The following CDH23 variants were observed in gnomAD, a reference collection of about 807,000 sequenced individuals.
The protein encoded by CDH23 is cadherin related 23, also known as cadherin-23.
In CDH23, 189 loss-of-function variants were observed where a neutral mutation model predicts 317.1. That is an observed-to-expected ratio of 0.60 (90% CI 0.53 to 0.67). CDH23 has a LOEUF of 0.67. Among genes scored for constraint, CDH23 ranks in the 30% least tolerant of loss-of-function variants. The pLI, the probability that CDH23 is intolerant of heterozygous loss-of-function variation, is 0.00. For synonymous variants in CDH23, 1,839 were observed against 1,876.8 expected, an observed-to-expected ratio of 0.98 and a Z score of 0.52; for missense variants, 4,401 against 4,592.4, an observed-to-expected ratio of 0.96 and a Z score of 1.20.
At chr10:71,485,320 T>A (rs1215223462) in intron 3 of CDH23, among the ~76,000 whole-genome samples, 1 of 152,164 alleles carries the variant, frequency 6.6e-6, no homozygotes, top group Non-Finnish European at 1.5e-5. Context: ...CCACTGCGCC[T>A]GGCTGGGTGT....
chr10:71,685,159 T>A (rs1396517883), intron 18 of CDH23, among the ~76,000 whole-genome samples: 2 of 152,176 alleles, frequency 1.3e-5, no homozygotes, highest in African/African-American at 4.8e-5. Flanking sequence ...GGCCCTGGAA[T>A]TCTCTGGGGA....
rs531232195 is a variant in CDH23, at chr10:71,695,576, T to C, written c.2397+51T>C. 8.4e-6 allele frequency: 11 copies of C among 1,302,746 alleles called. No individual in the cohort carries two copies. The East Asian group carries it at 2.3e-4, about 27-fold the overall frequency. The allele number at this position is 1,302,746 out of a possible 1,614,324, so 80.7% of individuals were successfully genotyped here. A position where few individuals can be genotyped will look rare whatever the true frequency, so the allele number is the denominator to read the frequency against. ...TGCCAGGCGGCCCTTCCCAGGGGTC[T>C]GTGCCCCTCCCACTGCGATTCCAGG... is the stretch of plus-strand genomic sequence containing the variant. On this transcript the variant is annotated intron_variant, in intron 22 of 69. Coordinates refer to ENST00000224721, the MANE Select transcript of CDH23 (RefSeq NM_022124.6).
At chr10:71,439,638 G>C (rs547173039) in intron 1 of CDH23, among the ~76,000 whole-genome samples, 189 bp from the exon 2 acceptor site, 17 of 152,354 alleles carry the variant, frequency 1.1e-4, no homozygotes, top group African/African-American at 3.8e-4. Flanking sequence ...ATAGGACAAT[G>C]TTAAAACCAA....
Position 71,667,359 on chromosome 10 carries a change from A to AGAGAGAGTGTGTGTGTGTGTGT in CDH23, c.1450-7752_1450-7751insAGAGAGTGTGTGTGTGTGTGTG, listed in dbSNP as rs58361666. Reference sequence around the variant, plus strand: ...GCTTGAGGCAGAGAAAGAGAGAGAGAGTGTGTGTGTGTGTGTGTGTGTGTG... The same window carrying AGAGAGAGTGTGTGTGTGTGTGT: ...GCTTGAGGCAGAGAAAGAGAGAGAGAGAGAGAGTGTGTGTGTGTGTGTGTGTGTGTGTGTGTGTGTGTGTGTG... On this transcript the variant is annotated intron_variant, in intron 14 of 69. Coordinates refer to ENST00000224721, the MANE Select transcript of CDH23 (RefSeq NM_022124.6). 4.5e-5 allele frequency among the ~76,000 whole-genome samples: 5 copies of AGAGAGAGTGTGTGTGTGTGTGT among 112,114 alleles called. No homozygotes were observed. The East Asian group carries it at 8.7e-4, about 20-fold the overall frequency. The allele number at this position is 112,114 out of a possible 152,430, so 73.6% of individuals were successfully genotyped here.
At chr10:71,437,040 G>A (rs753857098) in intron 1 of CDH23, among the ~76,000 whole-genome samples, 14 of 152,332 alleles carry the variant, frequency 9.2e-5, no homozygotes, top group Non-Finnish European at 1.5e-4. Flanking sequence ...GCTCAACCCC[G>A]CTAGTAGTTA....
In CDH23 at chr10:71,810,457, C is replaced by T. The variant is rs747069251; in HGVS notation, c.8980-15C>T. 6.2e-7 allele frequency: 1 copy of T among 1,612,696 alleles called. No homozygotes were observed. Among genetic ancestry groups the T allele is most frequent in the South Asian group, 1.1e-5 (1 of 91,042 alleles). ...GCTGTGGTGGCCACACCCTACAATA[C>T]CCCTTCTCATCTAGTTCCATGTGGA... On this transcript the variant is annotated splice_polypyrimidine_tract_variant and intron_variant, in intron 61 of 69. Coordinates refer to ENST00000224721, the MANE Select transcript of CDH23 (RefSeq NM_022124.6).
chr10:71,693,763 G>A (rs1387835973), intron 20 of CDH23, among the ~76,000 whole-genome samples: 1 of 152,156 alleles, frequency 6.6e-6, no homozygotes, highest in Non-Finnish European at 1.5e-5. Flanking sequence ...CTAGCTCCAG[G>A]TGAGAAAGCC....
intron 11 of CDH23, chr10:71,617,602 C>T (rs1446050346): frequency 2.2e-5 from 28 of 1,266,518 alleles, no homozygotes; most frequent in Non-Finnish European, 2.9e-5. Context: ...AACATGTAAG[C>T]ACATGTTTCC....
At chr10:71,749,499 T>C (rs368455934) in intron 38 of CDH23, 3 of 152,372 alleles carry the variant, frequency 2.0e-5, no homozygotes, top group South Asian at 4.1e-4. Flanking sequence ...GCAGCTGGCA[T>C]CAAGCATTGT....
Position 71,807,992 on chromosome 10 carries a change from C to A in CDH23, c.8707C>A (p.Gln2903Lys). Residue 2903 changes from glutamine (Q) to lysine (K), a missense_variant, in exon 60 of 70, where the codon CAG (glutamine) becomes AAG (lysine). Physicochemically the swap from Gln to Lys is moderately conservative, Grantham distance 53 (BLOSUM62 1). Coordinates refer to ENST00000224721, the MANE Select transcript of CDH23 (RefSeq NM_022124.6). Reference protein sequence around the residue: ...ALANDSEDVGQVFTMGSMDGI... With the variant: ...ALANDSEDVGKVFTMGSMDGI... Reference sequence around the variant, plus strand: ...TGCCAACGACTCTGAAGATGTGGGCCAGGTCTTCACCATGGGTAGGGCCTG... The same window carrying A: ...TGCCAACGACTCTGAAGATGTGGGCAAGGTCTTCACCATGGGTAGGGCCTG... The A allele has an allele frequency of 6.3e-7, 1 of 1,589,486 alleles. No individual in the cohort carries two copies. The highest frequency in any genetic ancestry group is 2.3e-5 in the East Asian group (1 of 43,700).
At position 71,425,232 on chromosome 10, in the gene CDH23, GGAGA is replaced by G. The variant is rs748338206; in HGVS notation, c.-5-14561_-5-14558del. On this transcript the variant is annotated intron_variant, in intron 1 of 69. Coordinates refer to ENST00000224721, the MANE Select transcript of CDH23 (RefSeq NM_022124.6). Reference sequence around the variant, plus strand: ...ATCACAGTGGGGCAGAGAGAGAGAGGGAGAGAGAGAGAGAGAGAGAGAGAGAGAG... The same window carrying G: ...ATCACAGTGGGGCAGAGAGAGAGAGGGAGAGAGAGAGAGAGAGAGAGAGAG... Among the ~76,000 whole-genome samples, 738 of 73,908 alleles carry G rather than the reference GGAGA, an allele frequency of 1.0e-2. 11 individuals are homozygous for G. Among genetic ancestry groups the G allele is most frequent in the South Asian group, 0.059 (127 of 2,150 alleles). The allele number at this position is 73,908 out of a possible 152,430, so 48.5% of individuals were successfully genotyped here. A position where few individuals can be genotyped will look rare whatever the true frequency, so the allele number is the denominator to read the frequency against.
chr10:71,690,294 T>C (rs1303262500), intron 19 of CDH23, among the ~76,000 whole-genome samples, 174 bp from the exon 20 acceptor site: 1 of 152,134 alleles, frequency 6.6e-6, no homozygotes, highest in Non-Finnish European at 1.5e-5. Context: ...TGAGCCGCCC[T>C]TGTCCCAGGG....
At chr10:71,694,029 G>A in intron 20 of CDH23, 118 bp from the exon 21 acceptor site, 1 of 814,660 alleles carries the variant, frequency 1.2e-6, no homozygotes. Context: ...ATGGTAGCTT[G>A]CTAACATTTC....
intron 3 of CDH23, among the ~76,000 whole-genome samples, chr10:71,507,938 G>A (rs1310513822): frequency 6.6e-6 from 1 of 152,202 alleles, no homozygotes; most frequent in Non-Finnish European, 1.5e-5. Context: ...TGGGCAACTT[G>A]CCAAATGCCT....
intron 8 of CDH23, among the ~76,000 whole-genome samples, chr10:71,571,699 G>A (rs1307226873): frequency 1.3e-5 from 2 of 152,180 alleles, no homozygotes; most frequent in African/African-American, 2.4e-5. Context: ...AGAAAAATGC[G>A]CCTCCCCTAG....
At chr10:71,683,517 C>G (rs769570271) in intron 18 of CDH23, among the ~76,000 whole-genome samples, 1 of 152,118 alleles carries the variant, frequency 6.6e-6, no homozygotes, top group South Asian at 2.1e-4. Flanking sequence ...AGCTTCCAAG[C>G]GGAAAGGCCA....
At chr10:71,636,338 A>G (rs1214864649) in intron 11 of CDH23, among the ~76,000 whole-genome samples, 1 of 152,012 alleles carries the variant, frequency 6.6e-6, no homozygotes, top group African/African-American at 2.4e-5. Context: ...TGGGCAACTT[A>G]GGGAGACCCC....
chr10:71,781,618 T>G (rs375819761), intron 41 of CDH23, among the ~76,000 whole-genome samples: 1 of 152,092 alleles, frequency 6.6e-6, no homozygotes, highest in East Asian at 1.9e-4. Flanking sequence ...AAGCGAAACT[T>G]CCTGGGTTCA....
In CDH23 at chr10:71,658,168, G is replaced by A. The variant is rs577481658; in HGVS notation, c.1449+11551G>A. Among the ~76,000 whole-genome samples the A allele has an allele frequency of 6.2e-4, 94 of 152,246 alleles. 2 individuals carry two copies. Among genetic ancestry groups the A allele is most frequent in the Middle Eastern group, 3.4e-3 (1 of 294 alleles). ...CCTCTGTCAGGCCTCAGCGCCCCTC[G>A]CCTGTGTTTATCTCTTTAATCTAAA... On this transcript the variant is annotated intron_variant, in intron 14 of 69. Coordinates refer to ENST00000224721, the MANE Select transcript of CDH23 (RefSeq NM_022124.6).
Sources: gnomAD v4.1 joint callset for allele counts (sites outside exome capture counted in the v4.1 genomes callset) on GRCh38, gnomAD v4.1.1 for gene constraint, MANE v1.5 for transcripts, NCBI Gene and HGNC (gene_info 2026-07-23, HGNC 2026-07-21) for gene names.